Variants in FNDC3A observed in about 807,000 individuals in gnomAD.
FNDC3A encodes fibronectin type III domain containing 3A, also known as fibronectin type-III domain-containing protein 3A.
Under a neutral mutation model 148.9 loss-of-function variants are expected in FNDC3A, and 32 were observed. That is an observed-to-expected ratio of 0.21 (90% CI 0.16 to 0.29). FNDC3A has a LOEUF of 0.29. Ranked by LOEUF, FNDC3A falls within the 10% of genes least tolerant of loss-of-function variation. The pLI is 1.00. For missense variants in FNDC3A, 1,191 were observed against 1,452.8 expected, an observed-to-expected ratio of 0.82 and a Z score of 2.93; for synonymous variants, 472 against 473.6, an observed-to-expected ratio of 1.00 and a Z score of 0.04.
intron 2 of FNDC3A, among the ~76,000 whole-genome samples, chr13:49,052,375 C>T (rs1026975227): frequency 6.6e-6 from 1 of 152,094 alleles, no homozygotes; most frequent in East Asian, 1.9e-4. Context: ...TGGGGTCCTC[C>T]CTTTGATGTG....
In FNDC3A at chr13:49,014,165, A is replaced by G. The variant is rs1301744094; in HGVS notation, c.99+7876A>G. Among the ~76,000 whole-genome samples the G allele has an allele frequency of 3.8e-5, 5 of 130,312 alleles. No individual in the cohort carries two copies. The East Asian group carries it at 1.1e-3, about 29-fold the overall frequency. The allele number at this position is 130,312 out of a possible 152,430, so 85.5% of individuals were successfully genotyped here. ...ATTTCTACTTCTAGATCCCTGAGGA[A>G]TCGCCACACTGACTTCCACAATGGT... On this transcript the variant is annotated intron_variant, in intron 2 of 25. Transcript: ENST00000492622.
chr13:49,134,471 G>T (rs1195130745), intron 5 of FNDC3A, among the ~76,000 whole-genome samples: 1 of 151,870 alleles, frequency 6.6e-6, no homozygotes, highest in Non-Finnish European at 1.5e-5. Flanking sequence ...TTCACTTTTT[G>T]TCTATGAACA....
At chr13:49,112,406 G>A (rs144008794) in intron 3 of FNDC3A, among the ~76,000 whole-genome samples, 98 of 152,230 alleles carry the variant, frequency 6.4e-4, no homozygotes, top group African/African-American at 2.0e-3. Context: ...GGAGCTAAAA[G>A]GTGAGTTTTG....
At chr13:49,138,859 T>TGTTC (rs1403261759) in intron 7 of FNDC3A, 54 bp downstream of exon 7, 1 of 935,208 alleles carries the variant, frequency 1.1e-6, no homozygotes, top group African/African-American at 1.7e-5. Flanking sequence ...TAGCATAAGA[T>TGTTC]GTTCATCCAT....
intron 1 of FNDC3A, among the ~76,000 whole-genome samples, 171 bp downstream of exon 1, chr13:48,976,348 G>T (rs910498625): frequency 6.6e-6 from 1 of 152,184 alleles, no homozygotes; most frequent in African/African-American, 2.4e-5. Context: ...CTGTGGGCGC[G>T]CTGTGGGCAG....
chr13:49,198,351 G>C lies in FNDC3A; in HGVS notation c.2775-11G>C. 1 of 1,612,142 alleles carries C rather than the reference G, an allele frequency of 6.2e-7. No homozygotes were observed. Among genetic ancestry groups the C allele is most frequent in the Non-Finnish European group, 8.5e-7 (1 of 1,179,428 alleles). Reference sequence around the variant, plus strand: ...ATCATAACCAAACTTTTTTTCTTATGTGGCACTTAGAATACGAATTCAAGC... The same window carrying C: ...ATCATAACCAAACTTTTTTTCTTATCTGGCACTTAGAATACGAATTCAAGC... On this transcript the variant is annotated splice_polypyrimidine_tract_variant and intron_variant, in intron 22 of 25. Coordinates refer to ENST00000492622, the MANE Select transcript of FNDC3A (RefSeq NM_001079673.2).
At chr13:49,172,131 T>G in intron 11 of FNDC3A, 35 bp downstream of exon 11, 2 of 1,287,888 alleles carry the variant, frequency 1.6e-6, no homozygotes, top group South Asian at 2.6e-5. Flanking sequence ...TGGTTAACAT[T>G]ATGTGCATAT....
chr13:49,129,832 T>C (rs894918718), intron 4 of FNDC3A, among the ~76,000 whole-genome samples: 2 of 152,204 alleles, frequency 1.3e-5, no homozygotes, highest in Admixed American at 6.5e-5. Context: ...TTAATGTTTG[T>C]AATTTAGGCT....
At chr13:49,165,736 T>C (rs1372156256) in intron 8 of FNDC3A, among the ~76,000 whole-genome samples, 3 of 152,112 alleles carry the variant, frequency 2.0e-5, no homozygotes, top group African/African-American at 7.2e-5. Flanking sequence ...GAAGCAGATA[T>C]GGCTTCGGTG....
chr13:49,058,762 G>C (rs533161283), intron 2 of FNDC3A, among the ~76,000 whole-genome samples: 12 of 152,292 alleles, frequency 7.9e-5, no homozygotes, highest in African/African-American at 2.9e-4. Flanking sequence ...TAGTTTAAGT[G>C]TCTGCTGACT....
At chr13:49,119,388 T>A (rs2137891348) in intron 4 of FNDC3A, among the ~76,000 whole-genome samples, 1 of 152,078 alleles carries the variant, frequency 6.6e-6, no homozygotes, top group South Asian at 2.1e-4. Context: ...TCCATGAAGA[T>A]GAGGAAAAAC....
chr13:49,052,853 G>A (rs1875939308), intron 2 of FNDC3A, among the ~76,000 whole-genome samples: 1 of 152,170 alleles, frequency 6.6e-6, no homozygotes, highest in African/African-American at 2.4e-5. Flanking sequence ...AGCAGGGATA[G>A]GTATGTCCGA....
intron 1 of FNDC3A, among the ~76,000 whole-genome samples, chr13:48,991,635 C>T (rs1309551395): frequency 1.3e-5 from 2 of 151,610 alleles, no homozygotes; most frequent in Admixed American, 1.3e-4. Flanking sequence ...CTGCAGTGAG[C>T]TATGCTCACA....
intron 13 of FNDC3A, among the ~76,000 whole-genome samples, chr13:49,176,994 C>T (rs1051255460): frequency 1.1e-4 from 16 of 152,126 alleles, no homozygotes; most frequent in Admixed American, 6.5e-5. Context: ...GACAGAGTTT[C>T]GCTATGTTGC....
intron 14 of FNDC3A, among the ~76,000 whole-genome samples, chr13:49,180,191 G>T (rs905719604): frequency 6.6e-6 from 1 of 152,054 alleles, no homozygotes; most frequent in Non-Finnish European, 1.5e-5. Context: ...TTCATCATCA[G>T]TGAGAAACTT....
intron 3 of FNDC3A, among the ~76,000 whole-genome samples, chr13:49,110,960 A>G (rs1880527797): frequency 6.6e-6 from 1 of 152,338 alleles, no homozygotes; most frequent in Admixed American, 6.5e-5. Context: ...GGTTTTTGAA[A>G]TAGGAAATGT....
At chr13:49,038,550 G>C (rs1409659369) in intron 2 of FNDC3A, among the ~76,000 whole-genome samples, 2 of 152,148 alleles carry the variant, frequency 1.3e-5, no homozygotes, top group Non-Finnish European at 2.9e-5. Context: ...GAGACCTCTA[G>C]CCTTCAAAAT....
chr13:49,069,237 A>G (rs879839741), intron 2 of FNDC3A, among the ~76,000 whole-genome samples: 2 of 152,220 alleles, frequency 1.3e-5, no homozygotes, highest in African/African-American at 4.8e-5. Flanking sequence ...AGTTAAAAGT[A>G]GAAATTAATA....
intron 3 of FNDC3A, among the ~76,000 whole-genome samples, chr13:49,076,980 T>C (rs1878157869): frequency 6.6e-6 from 1 of 152,182 alleles, no homozygotes; most frequent in Non-Finnish European, 1.5e-5. Flanking sequence ...AGTTATTGCT[T>C]TAGTTTAAAA....
Sources: gnomAD v4.1 joint callset for allele counts (sites outside exome capture counted in the v4.1 genomes callset) on GRCh38, gnomAD v4.1.1 for gene constraint, MANE v1.5 for transcripts, NCBI Gene and HGNC (gene_info 2026-07-23, HGNC 2026-07-21) for gene names.